Variants in CNTNAP2 observed in about 807,000 individuals in gnomAD.
The protein encoded by CNTNAP2 is contactin-associated protein-like 2.
In CNTNAP2, 98 loss-of-function variants were observed where a neutral mutation model predicts 155.2. That is an observed-to-expected ratio of 0.63 (90% CI 0.54 to 0.75). CNTNAP2 has a LOEUF of 0.75. Among genes scored for constraint, CNTNAP2 ranks in the 30% least tolerant of loss-of-function variants. The pLI is 0.00. For missense variants in CNTNAP2, 1,727 were observed against 1,688.1 expected (o/e 1.02, Z -0.40); for synonymous variants, 651 against 631.2 (o/e 1.03, Z -0.47).
chr7:146,560,886 C>A (rs1798269955), intron 1 of CNTNAP2, among the ~76,000 whole-genome samples: 1 of 152,052 alleles, frequency 6.6e-6, no homozygotes, highest in South Asian at 2.1e-4. Flanking sequence ...ATTCAAGGGA[C>A]CTTGACTTAT....
chr7:146,727,622 A>G (rs561079622), intron 1 of CNTNAP2, among the ~76,000 whole-genome samples: 1 of 152,294 alleles, frequency 6.6e-6, no homozygotes, highest in South Asian at 2.1e-4. Flanking sequence ...TTTCACTGTC[A>G]GGCTGACTAA....
At chr7:147,519,950 G>A (rs1044308301) in intron 11 of CNTNAP2, among the ~76,000 whole-genome samples, 5 of 152,148 alleles carry the variant, frequency 3.3e-5, no homozygotes, top group African/African-American at 7.2e-5. Context: ...GACCACCCAC[G>A]AATCATAAAA....
intron 17 of CNTNAP2, among the ~76,000 whole-genome samples, chr7:148,150,911 G>A (rs1340047891): frequency 6.6e-6 from 1 of 151,464 alleles, no homozygotes; most frequent in African/African-American, 2.4e-5. Context: ...CCTGGCATGA[G>A]GTCTCCCTAT....
intron 3 of CNTNAP2, among the ~76,000 whole-genome samples, chr7:146,982,028 T>C (rs1308334728): frequency 6.6e-6 from 1 of 152,204 alleles, no homozygotes; most frequent in Non-Finnish European, 1.5e-5. Flanking sequence ...TAATTGACAC[T>C]GGACTTTGAA....
chr7:148,076,291 A>G (rs1009349518), intron 15 of CNTNAP2, among the ~76,000 whole-genome samples: 2 of 152,112 alleles, frequency 1.3e-5, no homozygotes, highest in African/African-American at 4.8e-5. Flanking sequence ...TCTAGAGAGT[A>G]GAGGCCACGG....
intron 10 of CNTNAP2, among the ~76,000 whole-genome samples, chr7:147,446,518 A>G (rs1797743137): frequency 6.6e-6 from 1 of 152,168 alleles, no homozygotes; most frequent in African/African-American, 2.4e-5. Context: ...AGGTTCAAGA[A>G]GTTGAAGACC....
chr7:147,642,200 C>T (rs1346849931), intron 13 of CNTNAP2, among the ~76,000 whole-genome samples: 1 of 152,016 alleles, frequency 6.6e-6, no homozygotes, highest in Admixed American at 6.6e-5. Context: ...GTCTTCAGTC[C>T]TGGGGTAGGG....
intron 3 of CNTNAP2, among the ~76,000 whole-genome samples, chr7:146,913,216 C>T (rs1297068205): frequency 2.0e-5 from 3 of 152,206 alleles, no homozygotes; most frequent in South Asian, 2.1e-4. Context: ...TCCCTAGGTA[C>T]TAGTAGTTGG....
chr7:148,108,611 ACTG>A (rs766249549), intron 15 of CNTNAP2, among the ~76,000 whole-genome samples: 3 of 149,884 alleles, frequency 2.0e-5, no homozygotes, highest in Admixed American at 6.7e-5. Context: ...GAAAACAAAT[ACTG>A]CAAGCTCTCA....
chr7:147,221,010 C>T (rs186911227), intron 8 of CNTNAP2, among the ~76,000 whole-genome samples: 1 of 152,188 alleles, frequency 6.6e-6, no homozygotes, highest in South Asian at 2.1e-4. Flanking sequence ...CCACACCTGG[C>T]CACACTTCTT....
At chr7:146,885,955 G>A (rs965292869) in intron 3 of CNTNAP2, among the ~76,000 whole-genome samples, 3 of 149,926 alleles carry the variant, frequency 2.0e-5, no homozygotes, top group Non-Finnish European at 4.4e-5. Flanking sequence ...GTGTGTGTGT[G>A]TGTGTGTGTG....
At chr7:146,961,658 G>A (rs560761839) in intron 3 of CNTNAP2, among the ~76,000 whole-genome samples, 6 of 152,076 alleles carry the variant, frequency 3.9e-5, no homozygotes, top group South Asian at 2.1e-4. Flanking sequence ...AAATAATATC[G>A]TCATGGTGGA....
chr7:147,966,981 C>T (rs1040201604), intron 14 of CNTNAP2, among the ~76,000 whole-genome samples: 14 of 151,848 alleles, frequency 9.2e-5, no homozygotes, highest in African/African-American at 3.1e-4. Flanking sequence ...AGACTATTCA[C>T]TCTAATTTTA....
At chr7:146,711,547 A>G (rs1801072743) in intron 1 of CNTNAP2, among the ~76,000 whole-genome samples, 2 of 149,406 alleles carry the variant, frequency 1.3e-5, no homozygotes, top group South Asian at 4.2e-4. Flanking sequence ...GCTTTTGAGT[A>G]GACTGACCCT....
At chr7:147,583,490 A>ATG (rs961237699) in intron 12 of CNTNAP2, among the ~76,000 whole-genome samples, 7 of 131,376 alleles carry the variant, frequency 5.3e-5, no homozygotes, top group Non-Finnish European at 1.1e-4. Flanking sequence ...ATATATATAT[A>ATG]TAAAAGACAT....
At chr7:147,739,883 C>T (rs971347075) in intron 13 of CNTNAP2, among the ~76,000 whole-genome samples, 1 of 151,906 alleles carries the variant, frequency 6.6e-6, no homozygotes, top group Admixed American at 6.6e-5. Flanking sequence ...CTATTGAATA[C>T]TGATTTCAGC....
rs188552327 is a variant in CNTNAP2 at position 146,405,409 on chromosome 7, A to G, written c.97+288436A>G. 2.9e-3 allele frequency among the ~76,000 whole-genome samples: 437 copies of G among 152,330 alleles called. 3 individuals are homozygous for G. The highest frequency in any genetic ancestry group is 4.9e-3 in the Non-Finnish European group (331 of 68,034). ...TACCTAACAAAAGTTTGTTAAATGA[A>G]TGCATGTTATGCAATAATAAATTCA... is the stretch of plus-strand genomic sequence containing the variant. On this transcript the variant is annotated intron_variant, in intron 1 of 23. Coordinates refer to ENST00000361727, the MANE Select transcript of CNTNAP2 (RefSeq NM_014141.6).
chr7:146,885,529 C>T (rs1795637657), intron 3 of CNTNAP2, among the ~76,000 whole-genome samples: 1 of 152,116 alleles, frequency 6.6e-6, no homozygotes, highest in African/African-American at 2.4e-5. Flanking sequence ...GCCACTTCCT[C>T]TAGTTTGTCC....
At chr7:148,328,031 G>A (rs1284363954) in intron 21 of CNTNAP2, among the ~76,000 whole-genome samples, 1 of 152,202 alleles carries the variant, frequency 6.6e-6, no homozygotes, top group Non-Finnish European at 1.5e-5. Flanking sequence ...CCAGAACCCT[G>A]ACTTCCATCA....
Sources: gnomAD v4.1 joint callset for allele counts (sites outside exome capture counted in the v4.1 genomes callset) on GRCh38, gnomAD v4.1.1 for gene constraint, MANE v1.5 for transcripts, NCBI Gene and HGNC (gene_info 2026-07-23, HGNC 2026-07-21) for gene names.